The following GPC5 variants were observed in gnomAD, a reference collection of about 807,000 sequenced individuals.
The protein encoded by GPC5 is glypican 5, also known as glypican-5.
A neutral mutation model predicts 53.9 loss-of-function variants in GPC5; 47 were observed. That is an observed-to-expected ratio of 0.87 (90% CI 0.69 to 1.11). The LOEUF (loss-of-function observed/expected upper bound fraction) is 1.11, where lower values mean the gene tolerates loss of function less well. Ranked by LOEUF, GPC5 falls within the 50% of genes most tolerant of loss-of-function variation. The probability of loss-of-function intolerance (pLI) is 0.00; values close to 1 mark genes in which losing one functional copy is unlikely to be tolerated. For synonymous variants in GPC5, 286 were observed against 263.3 expected, an observed-to-expected ratio of 1.09 and a Z score of -0.84; for missense variants, 748 against 713.1, an observed-to-expected ratio of 1.05 and a Z score of -0.56.
chr13:92,591,682 C>T (rs1022649873), intron 7 of GPC5, among the ~76,000 whole-genome samples: 3 of 151,966 alleles, frequency 2.0e-5, no homozygotes, highest in African/African-American at 4.8e-5. Context: ...TACAAGAGCC[C>T]TTGAATTCAT....
intron 2 of GPC5, among the ~76,000 whole-genome samples, chr13:91,657,659 A>C (rs1487219876): frequency 6.6e-6 from 1 of 152,162 alleles, no homozygotes; most frequent in Non-Finnish European, 1.5e-5. Context: ...GCTAAACTCA[A>C]GTTTGGACAT....
intron 5 of GPC5, among the ~76,000 whole-genome samples, chr13:91,799,756 G>A (rs1444545633): frequency 6.6e-6 from 1 of 152,052 alleles, no homozygotes; most frequent in African/African-American, 2.4e-5. Flanking sequence ...AAGATAATAG[G>A]TTGCTTGCAA....
intron 3 of GPC5, among the ~76,000 whole-genome samples, chr13:91,703,401 T>C (rs2036034029): frequency 6.6e-6 from 1 of 152,184 alleles, no homozygotes; most frequent in Non-Finnish European, 1.5e-5. Flanking sequence ...TTGAATTGTA[T>C]CAAATGCTTT....
intron 6 of GPC5, among the ~76,000 whole-genome samples, chr13:92,051,433 C>T (rs563725703): frequency 6.6e-6 from 1 of 151,426 alleles, no homozygotes; most frequent in African/African-American, 2.4e-5. Flanking sequence ...ATCTCTTGAC[C>T]TTGTGATCCA....
chr13:91,709,068 A>C (rs2036171406), intron 3 of GPC5, among the ~76,000 whole-genome samples: 3 of 152,202 alleles, frequency 2.0e-5, no homozygotes, highest in Admixed American at 1.3e-4. Context: ...ATAATCTCAA[A>C]CATTCATTCG....
chr13:91,414,134 A>G (rs1878011489), intron 1 of GPC5, among the ~76,000 whole-genome samples: 1 of 152,120 alleles, frequency 6.6e-6, no homozygotes, highest in South Asian at 2.1e-4. Flanking sequence ...CTCATTTTGA[A>G]TTGTAGTTCC....
At chr13:92,008,073 T>C (rs1208890529) in intron 6 of GPC5, among the ~76,000 whole-genome samples, 1 of 150,130 alleles carries the variant, frequency 6.7e-6, no homozygotes, top group Non-Finnish European at 1.5e-5. Context: ...TTTTTTTTTT[T>C]TTTTTTTGAG....
chr13:92,608,474 A>T (rs986691112), intron 7 of GPC5, among the ~76,000 whole-genome samples: 2 of 152,214 alleles, frequency 1.3e-5, no homozygotes, highest in Non-Finnish European at 2.9e-5. Flanking sequence ...TTCTAGCCTT[A>T]TTAGTTTAAA....
chr13:91,470,052 C>A (rs1882513797), intron 2 of GPC5, among the ~76,000 whole-genome samples: 1 of 151,976 alleles, frequency 6.6e-6, no homozygotes, highest in African/African-American at 2.4e-5. Flanking sequence ...ACAACAATAA[C>A]AACAACAAAC....
chr13:92,573,733 C>T (rs991890267), intron 7 of GPC5, among the ~76,000 whole-genome samples: 16 of 152,216 alleles, frequency 1.1e-4, no homozygotes, highest in Middle Eastern at 3.4e-3. Flanking sequence ...GGCTAAAATG[C>T]GTGCTCCCTT....
chr13:92,613,386 TATATATAA>T (rs1262355031), intron 7 of GPC5, among the ~76,000 whole-genome samples: 4 of 70,734 alleles, frequency 5.7e-5, no homozygotes, highest in East Asian at 1.3e-3. Context: ...TATATTATAT[TATATATAA>T]ATATATATTA....
At chr13:92,088,705 T>C (rs1053208184) in intron 6 of GPC5, among the ~76,000 whole-genome samples, 3 of 152,218 alleles carry the variant, frequency 2.0e-5, no homozygotes, top group African/African-American at 7.2e-5. Context: ...GTATTGCGTC[T>C]CTGTGTATAT....
At chr13:91,897,793 C>T (rs1162207855) in intron 5 of GPC5, among the ~76,000 whole-genome samples, 2 of 152,228 alleles carry the variant, frequency 1.3e-5, no homozygotes, top group East Asian at 3.9e-4. Flanking sequence ...TGTTCCCACT[C>T]TCATTGGTGT....
chr13:92,027,761 T>C (rs1400769684), intron 6 of GPC5, among the ~76,000 whole-genome samples: 2 of 152,118 alleles, frequency 1.3e-5, no homozygotes, highest in Admixed American at 6.5e-5. Context: ...AACAACATAA[T>C]AGATGAATAA....
At chr13:92,040,282 G>T (rs1316827847) in intron 6 of GPC5, among the ~76,000 whole-genome samples, 1 of 152,126 alleles carries the variant, frequency 6.6e-6, no homozygotes, top group African/African-American at 2.4e-5. Flanking sequence ...AGCCCAAAGA[G>T]GTGCACGTTA....
chr13:92,255,911 G>A (rs1422398897), intron 7 of GPC5, among the ~76,000 whole-genome samples: 5 of 151,906 alleles, frequency 3.3e-5, no homozygotes, highest in Non-Finnish European at 7.4e-5. Context: ...TAGAAGGAAG[G>A]GAATGACTCT....
chr13:91,828,388 A>AGGT (rs2038607700), intron 5 of GPC5, among the ~76,000 whole-genome samples: 3 of 150,108 alleles, frequency 2.0e-5, no homozygotes, highest in African/African-American at 7.4e-5. Context: ...GGTAGGTAGG[A>AGGT]AGGAAGATAG....
At chr13:92,072,589 T>A (rs2041221965) in intron 6 of GPC5, among the ~76,000 whole-genome samples, 1 of 149,578 alleles carries the variant, frequency 6.7e-6, no homozygotes. Context: ...TTTTTTTTTT[T>A]TTTATACAGA....
chr13:92,064,758 A>AAAAAAAAAAAAAAAAAAAAAC (rs2138857514), intron 6 of GPC5, among the ~76,000 whole-genome samples: 2 of 54,740 alleles, frequency 3.7e-5, no homozygotes, highest in South Asian at 8.2e-4. Context: ...CTCCGTCTCA[A>AAAAAAAAAAAAAAAAAAAAAC]AAAAAAAAAA....
Sources: allele counts gnomAD v4.1 joint callset (sites outside exome capture counted in the v4.1 genomes callset), GRCh38; gene constraint gnomAD v4.1.1; transcripts MANE v1.5; gene names NCBI Gene and HGNC (gene_info 2026-07-23, HGNC 2026-07-21).